Variants in PPM1A observed in about 807,000 individuals in gnomAD.
The protein encoded by PPM1A is protein phosphatase, Mg2+/Mn2+ dependent 1A.
A neutral mutation model predicts 35.0 loss-of-function variants in PPM1A; 7 were observed. The observed-to-expected ratio is 0.20, with a 90% CI of 0.11 to 0.38. The LOEUF (loss-of-function observed/expected upper bound fraction) is 0.38, where lower values mean the gene tolerates loss of function less well. Among genes scored for constraint, PPM1A ranks in the 10% least tolerant of loss-of-function variants. PPM1A has a pLI of 1.00. For synonymous variants in PPM1A, 153 were observed against 167.3 expected (o/e 0.91, Z 0.66); for missense variants, 239 against 467.8 (o/e 0.51, Z 4.51).
At chr14:60,248,563 TG>T (rs1401346623), upstream of PPM1A, 1 of 150,672 alleles carries the variant, frequency 6.6e-6, no homozygotes, top group Admixed American at 6.6e-5. Flanking sequence ...TTGGGCTTCC[TG>T]GGGTCACTGG....
rs951524115 is a variant in PPM1A at position 60,273,737 on chromosome 14, G to A, written c.-20-8947G>A. ...ACCAGGGCATTGGTAGAAAAAAGTGGACAGATTTGAGAATGCTTAGGAAGC... is the reference window on the plus strand; with the variant it reads ...ACCAGGGCATTGGTAGAAAAAAGTGAACAGATTTGAGAATGCTTAGGAAGC... On this transcript the variant is annotated intron_variant, in intron 1 of 5. Transcript: ENST00000395076. The surrounding 1 kb of genome is among the most constrained non-coding windows in gnomAD (Gnocchi z 4.3). Among the ~76,000 whole-genome samples the A allele has an allele frequency of 6.6e-6, 1 of 152,198 alleles. No homozygotes were observed. The highest frequency in any genetic ancestry group is 6.5e-5 in the Admixed American group (1 of 15,280).
Position 60,282,663 on chromosome 14 carries a change from C to T in PPM1A, c.-20-21C>T. On this transcript the variant is annotated intron_variant, in intron 1 of 5. Coordinates refer to ENST00000395076, the MANE Select transcript of PPM1A (RefSeq NM_021003.5). This position sits in a 1 kb window ranked among gnomAD's most constrained non-coding sequence, Gnocchi z 5.1. ...TGTTTATAAGACAGTTATTGACTTTCCTGTTTCTCTTCCTTTGCAGACCTA... is the reference window on the plus strand; with the variant it reads ...TGTTTATAAGACAGTTATTGACTTTTCTGTTTCTCTTCCTTTGCAGACCTA... 6.2e-7 allele frequency: 1 copy of T among 1,601,660 alleles called. No individual in the cohort carries two copies. Among genetic ancestry groups the T allele is most frequent in the Non-Finnish European group, 8.5e-7 (1 of 1,172,884 alleles).
At chr14:60,269,213 G>A (rs1321478405) in intron 1 of PPM1A, among the ~76,000 whole-genome samples, 1 of 151,800 alleles carries the variant, frequency 6.6e-6, no homozygotes, top group East Asian at 1.9e-4. Flanking sequence ...AGTGTATTTC[G>A]ACCACAACAA....
Position 60,289,700 on chromosome 14 carries a change from C to A in PPM1A, c.953-106C>A. The A allele has an allele frequency of 1.5e-6, 1 of 661,090 alleles. No individual in the cohort carries two copies. The allele number at this position is 661,090 out of a possible 1,614,324, so 41.0% of individuals were successfully genotyped here. On this transcript the variant is annotated intron_variant, in intron 3 of 5. Coordinates refer to ENST00000395076, the MANE Select transcript of PPM1A (RefSeq NM_021003.5). The surrounding 1 kb of genome is among the most constrained non-coding windows in gnomAD (Gnocchi z 4.1). Reference sequence around the variant, plus strand: ...AAATGATACCAGATTAGAAAAATCTCAGATGTGGTAAATGCCATCTTTAAA... The same window carrying A: ...AAATGATACCAGATTAGAAAAATCTAAGATGTGGTAAATGCCATCTTTAAA...
rs1026714199 is a variant in PPM1A at position 60,293,617 on chromosome 14, GTTTAA to G, written c.*1138_*1142del. 1 of 151,806 alleles carries G rather than the reference GTTTAA, an allele frequency of 6.6e-6. No individual in the cohort carries two copies. The highest frequency in any genetic ancestry group is 6.6e-5 in the Admixed American group (1 of 15,206). The allele number at this position is 151,806 out of a possible 1,614,324, so 9.4% of individuals were successfully genotyped here. On this transcript the variant is annotated 3_prime_UTR_variant, in exon 6 of 6. Coordinates refer to ENST00000395076, the MANE Select transcript of PPM1A (RefSeq NM_021003.5). This position sits in a 1 kb window ranked among gnomAD's most constrained non-coding sequence, Gnocchi z 4.0. Reference sequence around the variant, plus strand: ...GTGTATCAGCTTGGATTTGCCTACTGTTTAATTAAAATATTTATTGTCAAAGTTTG... The same window carrying G: ...GTGTATCAGCTTGGATTTGCCTACTGTTAAAATATTTATTGTCAAAGTTTG...
At chr14:60,258,057 T>G (rs1386907687) in intron 1 of PPM1A, among the ~76,000 whole-genome samples, 1 of 152,122 alleles carries the variant, frequency 6.6e-6, no homozygotes, top group African/African-American at 2.4e-5. Flanking sequence ...TACCCTTTGT[T>G]AGTCCATATC....
intron 1 of PPM1A, among the ~76,000 whole-genome samples, chr14:60,270,343 T>C (rs1400595109): frequency 6.6e-6 from 1 of 152,166 alleles, no homozygotes; most frequent in African/African-American, 2.4e-5. Context: ...TAAAATTTTC[T>C]TATATGTAAG....
Position 60,268,277 on chromosome 14 carries a change from T to C in PPM1A, c.-20-14407T>C, listed in dbSNP as rs564846644. On this transcript the variant is annotated intron_variant, in intron 1 of 5. Coordinates refer to ENST00000395076, the MANE Select transcript of PPM1A (RefSeq NM_021003.5). ...TTGAGGGATAGTTCTTTAATAACTTTCTCATATTGTTCCAGGTTTCTGGTC... is the reference window on the plus strand; with the variant it reads ...TTGAGGGATAGTTCTTTAATAACTTCCTCATATTGTTCCAGGTTTCTGGTC... 5.1e-6 allele frequency: 5 copies of C among 983,898 alleles called. No individual in the cohort carries two copies. The East Asian group carries it at 3.4e-4, about 67-fold the overall frequency. 60.9% of individuals were successfully genotyped at this position (983,898 alleles called of 1,614,324 possible).
chr14:60,280,004 A>G (rs137996293), intron 1 of PPM1A, among the ~76,000 whole-genome samples: 1 of 152,086 alleles, frequency 6.6e-6, no homozygotes, highest in Non-Finnish European at 1.5e-5. Context: ...GTGCCTTCTT[A>G]TATACTTTTT....
rs992674631 is a variant in PPM1A at position 60,291,562 on chromosome 14, C to T, written c.1119+108C>T. ...TTCACTGTACCCATTCTCTTACACA[C>T]ACCCCTGATTGATTGCTCTGAACTC... is the stretch of plus-strand genomic sequence containing the variant. On this transcript the variant is annotated intron_variant, in intron 5 of 5. Transcript: ENST00000395076. 81 of 790,398 alleles carry T rather than the reference C, an allele frequency of 1.0e-4. 1 individual carries two copies. The highest frequency in any genetic ancestry group is 1.4e-4 in the Non-Finnish European group (72 of 519,648). The allele number at this position is 790,398 out of a possible 1,614,324, so 49.0% of individuals were successfully genotyped here.
chr14:60,251,041 A>G (rs943976654), intron 1 of PPM1A, among the ~76,000 whole-genome samples: 1 of 152,270 alleles, frequency 6.6e-6, no homozygotes, highest in Non-Finnish European at 1.5e-5. Flanking sequence ...TTTCTTTACC[A>G]ATAAATAATT....
chr14:60,284,952 T>A (rs1253366919), intron 2 of PPM1A, among the ~76,000 whole-genome samples: 3 of 151,972 alleles, frequency 2.0e-5, no homozygotes, highest in Non-Finnish European at 2.9e-5. Flanking sequence ...GTTGACTTTT[T>A]AAAATTCTTC....
intron 1 of PPM1A, among the ~76,000 whole-genome samples, chr14:60,270,298 T>C (rs940220271): frequency 1.3e-5 from 2 of 152,176 alleles, no homozygotes; most frequent in Non-Finnish European, 2.9e-5. Flanking sequence ...TATATTCTGG[T>C]TTCTTTTCAT....
intron 1 of PPM1A, among the ~76,000 whole-genome samples, chr14:60,259,280 T>C (rs992813117): frequency 7.2e-5 from 11 of 152,106 alleles, no homozygotes; most frequent in African/African-American, 2.4e-4. Context: ...GTGTAAAATA[T>C]TTAGAATCCC....
Position 60,273,670 on chromosome 14 carries a change from A to G in PPM1A, c.-20-9014A>G, listed in dbSNP as rs191858591. 1.2e-3 allele frequency among the ~76,000 whole-genome samples: 186 copies of G among 152,330 alleles called. No individual in the cohort carries two copies. The highest frequency in any genetic ancestry group is 4.4e-3 in the African/African-American group (183 of 41,572). ...ATGCCAGGATCCACGTGAAGAGACT[A>G]AAGACGCTAGTATTCTGCAGTGAGA... is the stretch of plus-strand genomic sequence containing the variant. On this transcript the variant is annotated intron_variant, in intron 1 of 5. Transcript: ENST00000395076. This position sits in a 1 kb window ranked among gnomAD's most constrained non-coding sequence, Gnocchi z 4.3.
chr14:60,258,682 G>A (rs1003696134), intron 1 of PPM1A, among the ~76,000 whole-genome samples: 1 of 152,032 alleles, frequency 6.6e-6, no homozygotes, highest in Non-Finnish European at 1.5e-5. Context: ...ATGGAAAATG[G>A]TAGGATACAG....
intron 3 of PPM1A, chr14:60,287,252 A>G (rs921119891): frequency 3.1e-6 from 3 of 963,810 alleles, no homozygotes; most frequent in Non-Finnish European, 3.7e-6. Context: ...TGTTACAATA[A>G]TAAGTTTTAT....
At chr14:60,267,822 G>A (rs919251916) in intron 1 of PPM1A, among the ~76,000 whole-genome samples, 1 of 151,872 alleles carries the variant, frequency 6.6e-6, no homozygotes, top group African/African-American at 2.4e-5. Flanking sequence ...TTTTCCCTGT[G>A]TATGTGCATA....
rs150171523 is a variant in PPM1A at position 60,292,066 on chromosome 14, G to A, written c.1120-387G>A. Among the ~76,000 whole-genome samples the A allele has an allele frequency of 6.6e-6, 1 of 152,160 alleles. No homozygotes were observed. The highest frequency in any genetic ancestry group is 2.4e-5 in the African/African-American group (1 of 41,524). ...ACAGCTCTGAAATATTTTATGTATT[G>A]CATTATGAAGCTTCCTCACATATTG... On this transcript the variant is annotated intron_variant, in intron 5 of 5. Transcript: ENST00000395076. The surrounding 1 kb of genome is among the most constrained non-coding windows in gnomAD (Gnocchi z 4.2).
Sources: gnomAD v4.1 joint callset for allele counts (sites outside exome capture counted in the v4.1 genomes callset) on GRCh38, gnomAD v4.1.1 for gene constraint, Gnocchi (gnomAD v3.1) non-coding constraint, MANE v1.5 for transcripts, NCBI Gene and HGNC (gene_info 2026-07-23, HGNC 2026-07-21) for gene names.